The following OGA variants were observed in gnomAD, a reference collection of about 807,000 sequenced individuals.
OGA encodes O-GlcNAcase.
OGA carries 21 observed loss-of-function variants against 102.0 expected under a neutral mutation model. The observed-to-expected ratio is 0.21, with a 90% CI of 0.15 to 0.30. OGA has a LOEUF of 0.30. OGA is among the 10% of genes least tolerant of loss of function. The pLI is 1.00. For synonymous variants in OGA, 408 were observed against 378.2 expected, an observed-to-expected ratio of 1.08 and a Z score of -0.91; for missense variants, 765 against 1,107.8, an observed-to-expected ratio of 0.69 and a Z score of 4.39.
intron 14 of OGA, among the ~76,000 whole-genome samples, chr10:101,790,678 C>T (rs2065251187): frequency 6.6e-6 from 1 of 152,084 alleles, no homozygotes; most frequent in Admixed American, 6.6e-5. Flanking sequence ...ATAGTACTCC[C>T]AAATAAAAAA....
intron 8 of OGA, among the ~76,000 whole-genome samples, chr10:101,799,948 C>T (rs1303005572): frequency 1.3e-5 from 2 of 152,186 alleles, no homozygotes; most frequent in African/African-American, 4.8e-5. Context: ...TCTTGGCTCA[C>T]TGCAACCTCT....
intron 1 of OGA, among the ~76,000 whole-genome samples, chr10:101,817,039 C>G (rs951967923): frequency 2.6e-5 from 4 of 152,186 alleles, no homozygotes; most frequent in African/African-American, 9.7e-5. Flanking sequence ...CGTGCCTCTA[C>G]AGAGCTGCAA....
chr10:101,792,377 G>A (rs2065269885), intron 12 of OGA, among the ~76,000 whole-genome samples: 1 of 152,188 alleles, frequency 6.6e-6, no homozygotes, highest in South Asian at 2.1e-4. Context: ...CTGACCTCAG[G>A]TGATTTGCCC....
chr10:101,798,750 C>G, intron 9 of OGA, 92 bp downstream of exon 9: 1 of 1,421,204 alleles, frequency 7.0e-7, no homozygotes, highest in Non-Finnish European at 9.5e-7. Context: ...AATTTTCTGT[C>G]AGTTACAGTG....
At chr10:101,809,582 G>A (rs1462884359) in intron 4 of OGA, among the ~76,000 whole-genome samples, 2 of 151,686 alleles carry the variant, frequency 1.3e-5, no homozygotes, top group Non-Finnish European at 2.9e-5. Flanking sequence ...CAGGCATGGT[G>A]GTGTGCCTGT....
chr10:101,804,475 G>A (rs558248646), intron 6 of OGA, among the ~76,000 whole-genome samples: 6 of 151,994 alleles, frequency 3.9e-5, no homozygotes, highest in African/African-American at 1.4e-4. Flanking sequence ...GGGTTTCACT[G>A]TGTTAGCCAG....
intron 11 of OGA, among the ~76,000 whole-genome samples, chr10:101,793,440 A>G (rs1228181374): frequency 6.6e-6 from 1 of 152,256 alleles, no homozygotes; most frequent in African/African-American, 2.4e-5. Flanking sequence ...AAGTCCATGA[A>G]CAAATTCCAG....
intron 10 of OGA, among the ~76,000 whole-genome samples, chr10:101,795,277 C>T (rs1391993100): frequency 2.0e-5 from 3 of 152,180 alleles, no homozygotes; most frequent in Admixed American, 1.3e-4. Context: ...GCTGCATGTA[C>T]GAAGAGCTGT....
intron 1 of OGA, among the ~76,000 whole-genome samples, chr10:101,814,343 A>C (rs936807051): frequency 1.3e-5 from 2 of 152,118 alleles, no homozygotes; most frequent in African/African-American, 4.8e-5. Flanking sequence ...ACAACAACAA[A>C]AGGGTGAGGG....
chr10:101,786,377 T>A lies in OGA; in HGVS notation c.*74A>T. Reference sequence around the variant, plus strand: ...TTTGTTACCATTCTAGAGGCTGAACTGTATGAAGACCTCAACTACCATTCA... The same window carrying A: ...TTTGTTACCATTCTAGAGGCTGAACAGTATGAAGACCTCAACTACCATTCA... On this transcript the variant is annotated 3_prime_UTR_variant, in exon 16 of 16. Coordinates refer to ENST00000361464, the MANE Select transcript of OGA (RefSeq NM_012215.5). 7.1e-7 allele frequency: 1 copy of A among 1,405,346 alleles called. No homozygotes were observed. Among genetic ancestry groups the A allele is most frequent in the South Asian group, 1.7e-5 (1 of 57,488 alleles). 87.1% of individuals were successfully genotyped at this position (1,405,346 alleles called of 1,614,324 possible).
chr10:101,796,737 A>G (rs557247676), intron 10 of OGA, among the ~76,000 whole-genome samples: 153 of 152,000 alleles, frequency 1.0e-3, no homozygotes, highest in African/African-American at 3.7e-3. Flanking sequence ...CGCCTGGCTA[A>G]TTTTTGTATT....
At chr10:101,810,827 C>T (rs1363833404) in intron 3 of OGA, among the ~76,000 whole-genome samples, 1 of 152,174 alleles carries the variant, frequency 6.6e-6, no homozygotes, top group East Asian at 1.9e-4. Context: ...CCTCCACCTC[C>T]TGAGTAGGTG....
intron 10 of OGA, among the ~76,000 whole-genome samples, chr10:101,794,852 T>TA (rs2065297415): frequency 6.6e-6 from 1 of 152,214 alleles, no homozygotes; most frequent in African/African-American, 2.4e-5. Context: ...ATCACTTGCC[T>TA]AGTCTTCTGA....
chr10:101,802,740 C>T (rs954920963), intron 7 of OGA, among the ~76,000 whole-genome samples: 22 of 151,778 alleles, frequency 1.4e-4, no homozygotes, highest in African/African-American at 5.3e-4. Flanking sequence ...TGCCCCATGA[C>T]AGATTATTTA....
intron 14 of OGA, among the ~76,000 whole-genome samples, chr10:101,788,130 TAAAAAAAAAA>T (rs529209574): frequency 9.4e-6 from 1 of 106,708 alleles, no homozygotes; most frequent in African/African-American, 3.6e-5. Flanking sequence ...GACTCTGTCT[TAAAAAAAAAA>T]AAAAAAAAAA....
chr10:101,812,518 A>T (rs754953900), intron 3 of OGA, among the ~76,000 whole-genome samples: 9 of 152,266 alleles, frequency 5.9e-5, no homozygotes, highest in Non-Finnish European at 1.3e-4. Context: ...AAGCCATACT[A>T]GAGCCTGAAG....
chr10:101,791,111 C>T, intron 13 of OGA, 23 bp from the exon 14 acceptor site: 1 of 1,573,880 alleles, frequency 6.4e-7, no homozygotes, highest in South Asian at 1.2e-5. Flanking sequence ...AAAGAGGCCA[C>T]AGTAAACTTT....
At chr10:101,797,591 T>C (rs1429203077) in intron 10 of OGA, 4 of 317,110 alleles carry the variant, frequency 1.3e-5, no homozygotes, top group African/African-American at 2.2e-5. Context: ...CTGTTAAACA[T>C]AGCATTAATG....
In OGA at chr10:101,815,500, A is replaced by G. The variant is rs1421182589; in HGVS notation, c.200-1894T>C. Reference sequence around the variant, plus strand: ...AGGGTTTCGCCATGTTGGCCAGGCTAGTATCGATCTCCTGACCTCGTGATC... The same window carrying G: ...AGGGTTTCGCCATGTTGGCCAGGCTGGTATCGATCTCCTGACCTCGTGATC... On this transcript the variant is annotated intron_variant, in intron 1 of 15. Coordinates refer to ENST00000361464, the MANE Select transcript of OGA (RefSeq NM_012215.5). 2.6e-5 allele frequency among the ~76,000 whole-genome samples: 4 copies of G among 151,854 alleles called. No homozygotes were observed. In the East Asian group the frequency reaches 7.7e-4, roughly 29 times the overall value.
Sources: allele counts gnomAD v4.1 joint callset (sites outside exome capture counted in the v4.1 genomes callset), GRCh38; gene constraint gnomAD v4.1.1; transcripts MANE v1.5; gene names NCBI Gene and HGNC (gene_info 2026-07-23, HGNC 2026-07-21).